The following SUGCT variants were observed in gnomAD, a reference collection of about 807,000 sequenced individuals.
SUGCT encodes the protein succinyl-CoA:glutarate CoA-transferase.
Under a neutral mutation model 55.0 loss-of-function variants are expected in SUGCT, and 41 were observed. That is an observed-to-expected ratio of 0.74 (90% CI 0.58 to 0.97). SUGCT has a LOEUF of 0.97. Ranked by LOEUF, SUGCT falls within the 50% of genes least tolerant of loss-of-function variation. The pLI, the probability that SUGCT is intolerant of heterozygous loss-of-function variation, is 0.00. For synonymous variants in SUGCT, 187 were observed against 200.4 expected, an observed-to-expected ratio of 0.93 and a Z score of 0.56; for missense variants, 568 against 547.8, an observed-to-expected ratio of 1.04 and a Z score of -0.37.
intron 9 of SUGCT, among the ~76,000 whole-genome samples, chr7:40,406,590 T>C (rs1333458499): frequency 6.6e-6 from 1 of 152,230 alleles, no homozygotes; most frequent in Non-Finnish European, 1.5e-5. Flanking sequence ...ACTGTCATAA[T>C]TTTTTCAAAG....
intron 6 of SUGCT, among the ~76,000 whole-genome samples, chr7:40,214,785 G>GTGCC (rs1242319478): frequency 6.6e-6 from 1 of 152,006 alleles, no homozygotes; most frequent in African/African-American, 2.4e-5. Flanking sequence ...GTGGTGGCAT[G>GTGCC]TGCCTGTAGT....
intron 13 of SUGCT, among the ~76,000 whole-genome samples, chr7:40,821,757 C>T (rs1323521430): frequency 6.6e-6 from 1 of 152,110 alleles, no homozygotes; most frequent in Non-Finnish European, 1.5e-5. Flanking sequence ...TTTTGTGTCT[C>T]TATCTCCTTC....
chr7:40,976,736 A>G, the SUGCT span, among the ~76,000 whole-genome samples: 1 of 152,220 alleles, frequency 6.6e-6, no homozygotes, highest in East Asian at 1.9e-4. Flanking sequence ...TTTGCAGTGC[A>G]TGTGACTGGA....
intron 13 of SUGCT, among the ~76,000 whole-genome samples, chr7:40,786,370 A>G (rs961480755): frequency 6.6e-6 from 1 of 152,328 alleles, no homozygotes; most frequent in Non-Finnish European, 1.5e-5. Context: ...AGTGTCATAT[A>G]TTCAATGTAA....
intron 13 of SUGCT, among the ~76,000 whole-genome samples, chr7:40,828,125 G>T (rs937751937): frequency 1.3e-5 from 2 of 152,184 alleles, no homozygotes; most frequent in African/African-American, 4.8e-5. Context: ...GAGGTAATTG[G>T]AACATGAGAG....
the SUGCT span, among the ~76,000 whole-genome samples, chr7:40,900,474 G>A: frequency 2.0e-5 from 3 of 152,192 alleles, no homozygotes; most frequent in Admixed American, 2.0e-4. Context: ...AAACTATCTT[G>A]GGAGCATAGC....
chr7:40,910,526 G>A, the SUGCT span, among the ~76,000 whole-genome samples: 1 of 152,136 alleles, frequency 6.6e-6, no homozygotes, highest in Non-Finnish European at 1.5e-5. Flanking sequence ...CAAACAGAGA[G>A]GGGACATAAT....
rs115398941 is a variant in SUGCT, at chr7:40,202,129, C to A, written c.484+7069C>A. ...CTGGGACTACAGGTGCATGCCACCA[C>A]GCCCGGATAGTTTTTGTATTTTTGG... On this transcript the variant is annotated intron_variant, in intron 6 of 13. Transcript: ENST00000335693. 1.2e-4 allele frequency among the ~76,000 whole-genome samples: 18 copies of A among 152,200 alleles called. 1 individual carries two copies. The South Asian group carries it at 2.5e-3, about 21-fold the overall frequency.
At chr7:40,925,086 G>C in the SUGCT span, among the ~76,000 whole-genome samples, 120 of 152,296 alleles carry the variant, frequency 7.9e-4, no homozygotes, top group African/African-American at 2.8e-3. Flanking sequence ...AGAAGGAAGA[G>C]AGCTATAGCA....
chr7:40,854,432 CTTTCTTTCTTTCTTTCTT>C (rs1794046770), intron 13 of SUGCT, among the ~76,000 whole-genome samples: 1 of 137,744 alleles, frequency 7.3e-6, no homozygotes, highest in Non-Finnish European at 1.5e-5. Context: ...TTCTTTCTTT[CTTTCTTTCTTTCTTTCTT>C]TCTTTCTTTC....
At chr7:40,927,397 C>T in the SUGCT span, among the ~76,000 whole-genome samples, 1 of 152,150 alleles carries the variant, frequency 6.6e-6, no homozygotes, top group South Asian at 2.1e-4. Context: ...GGAGTCAGAA[C>T]TATACAATAT....
the SUGCT span, among the ~76,000 whole-genome samples, chr7:40,972,599 A>G: frequency 6.6e-6 from 1 of 152,154 alleles, no homozygotes; most frequent in Non-Finnish European, 1.5e-5. Flanking sequence ...ATGGTAAGTA[A>G]GCCTGCTCTT....
At chr7:40,321,751 C>T (rs961510454) in intron 9 of SUGCT, among the ~76,000 whole-genome samples, 4 of 152,078 alleles carry the variant, frequency 2.6e-5, no homozygotes, top group Non-Finnish European at 5.9e-5. Flanking sequence ...TTGCTGCAAA[C>T]GATATGATTT....
intron 1 of SUGCT, among the ~76,000 whole-genome samples, chr7:40,176,265 A>T (rs1784918740): frequency 1.3e-5 from 2 of 152,060 alleles, no homozygotes; most frequent in Non-Finnish European, 2.9e-5. Flanking sequence ...AAATTCCCAA[A>T]TACAGAATCT....
At chr7:40,934,282 A>G in the SUGCT span, among the ~76,000 whole-genome samples, 1 of 152,154 alleles carries the variant, frequency 6.6e-6, no homozygotes, top group African/African-American at 2.4e-5. Flanking sequence ...CAGAACAGCA[A>G]ATATTGCTGC....
intron 1 of SUGCT, among the ~76,000 whole-genome samples, chr7:40,164,124 A>AATT (rs768531093): frequency 1.7e-4 from 10 of 58,662 alleles, no homozygotes; most frequent in Non-Finnish European, 2.9e-4. Flanking sequence ...CTGACCCTTG[A>AATT]CTTTTTTTTT....
chr7:40,295,048 A>T (rs979275070), intron 8 of SUGCT, among the ~76,000 whole-genome samples: 4 of 152,200 alleles, frequency 2.6e-5, no homozygotes, highest in African/African-American at 9.6e-5. Context: ...TGTGTAACAG[A>T]TATACAGAAA....
intron 9 of SUGCT, among the ~76,000 whole-genome samples, chr7:40,335,257 A>G (rs1796615782): frequency 6.6e-6 from 1 of 151,916 alleles, no homozygotes; most frequent in African/African-American, 2.4e-5. Context: ...GTTCCATATG[A>G]ACTTTAGTTT....
At chr7:40,611,959 T>C (rs768715816) in intron 12 of SUGCT, among the ~76,000 whole-genome samples, 3 of 152,076 alleles carry the variant, frequency 2.0e-5, no homozygotes, top group African/African-American at 7.2e-5. Flanking sequence ...ATTGTTAATA[T>C]TTTATAAATT....
Sources: gnomAD v4.1 joint callset for allele counts (sites outside exome capture counted in the v4.1 genomes callset) on GRCh38, gnomAD v4.1.1 for gene constraint, MANE v1.5 for transcripts, NCBI Gene and HGNC (gene_info 2026-07-23, HGNC 2026-07-21) for gene names.